The following CPB2 variants were observed in gnomAD, a reference collection of about 807,000 sequenced individuals.
CPB2 encodes carboxypeptidase B2, also known as carboxypeptidase B-like protein.
Under a neutral mutation model 57.0 loss-of-function variants are expected in CPB2, and 54 were observed. The ratio of observed to expected loss-of-function variants is 0.95; its 90% CI spans 0.76 to 1.19. The LOEUF (loss-of-function observed/expected upper bound fraction) is 1.19. Among genes scored for constraint, CPB2 ranks in the 50% most tolerant of loss-of-function variants. The pLI, the probability that CPB2 is intolerant of heterozygous loss-of-function variation, is 0.00. For synonymous variants in CPB2, 189 were observed against 178.1 expected, an observed-to-expected ratio of 1.06 and a Z score of -0.49; for missense variants, 426 against 512.0, an observed-to-expected ratio of 0.83 and a Z score of 1.62.
At chr13:46,082,228 A>G (rs951142239) in intron 4 of CPB2, among the ~76,000 whole-genome samples, 27 of 152,326 alleles carry the variant, frequency 1.8e-4, no homozygotes, top group Middle Eastern at 3.4e-3. Flanking sequence ...TTAGCTGTAG[A>G]CAAACATCCT....
At chr13:46,060,734 T>C (rs1240034231) in intron 8 of CPB2, among the ~76,000 whole-genome samples, 3 of 152,156 alleles carry the variant, frequency 2.0e-5, no homozygotes, top group Non-Finnish European at 4.4e-5. Context: ...ATTCTCATTC[T>C]ATGATTGTCA....
chr13:46,103,882 C>T (rs1463694647), intron 1 of CPB2, among the ~76,000 whole-genome samples: 2 of 152,198 alleles, frequency 1.3e-5, no homozygotes, highest in African/African-American at 2.4e-5. Flanking sequence ...ACATAAGTCA[C>T]TGATCATTGC....
intron 10 of CPB2, among the ~76,000 whole-genome samples, chr13:46,054,474 T>G (rs991230891): frequency 6.6e-6 from 1 of 152,186 alleles, no homozygotes; most frequent in African/African-American, 2.4e-5. Flanking sequence ...GGAATTTACT[T>G]TGGTGAAAGA....
At chr13:46,103,710 A>T (rs1259828143) in intron 1 of CPB2, among the ~76,000 whole-genome samples, 3 of 152,216 alleles carry the variant, frequency 2.0e-5, no homozygotes, top group Non-Finnish European at 4.4e-5. Flanking sequence ...TGTCAATGGT[A>T]CTGCCACTGT....
rs754481579 is a variant in CPB2, at chr13:46,067,433, A to T, written c.592-16T>A. The T allele has an allele frequency of 8.3e-7, 1 of 1,208,434 alleles. No homozygotes were observed. The highest frequency in any genetic ancestry group is 2.4e-5 in the East Asian group (1 of 42,552). The allele number at this position is 1,208,434 out of a possible 1,614,324, so 74.9% of individuals were successfully genotyped here. ...ATTGAGTTATCTGCAAATTAAACCA[A>T]GTATATTTAATTAGATGTTTTAAGT... On this transcript the variant is annotated splice_polypyrimidine_tract_variant and intron_variant, in intron 6 of 10. Coordinates refer to ENST00000181383, the MANE Select transcript of CPB2 (RefSeq NM_001872.5).
chr13:46,095,568 T>C (rs2045353401), intron 1 of CPB2, among the ~76,000 whole-genome samples: 1 of 152,214 alleles, frequency 6.6e-6, no homozygotes, highest in Non-Finnish European at 1.5e-5. Context: ...GCATATGGTA[T>C]TCAGCTATTG....
chr13:46,067,314 C>T lies in CPB2; in HGVS notation c.695G>A (p.Trp232Ter). The T allele has an allele frequency of 6.7e-7, 1 of 1,501,022 alleles. No individual in the cohort carries two copies. Among genetic ancestry groups the T allele is most frequent in the Non-Finnish European group, 9.3e-7 (1 of 1,079,426 alleles). 93.0% of individuals were successfully genotyped at this position (1,501,022 alleles called of 1,614,324 possible). ...CTTTGCCTTTTCTCCTACCTTTTTC[C>T]ATGAGTAGTCATAACCATCCACATT... Reference protein sequence around the residue: ...VVNVDGYDYSWKKNRMWRKNR... With the variant: ...VVNVDGYDYS Residue 232 changes from tryptophan (W) to a stop codon, truncating the protein, a stop_gained, in exon 7 of 11, where the codon TGG becomes TAG. Transcript: ENST00000181383. LOFTEE classifies it high-confidence loss of function.
intron 7 of CPB2, among the ~76,000 whole-genome samples, chr13:46,066,825 A>G (rs1212961031): frequency 2.1e-5 from 3 of 143,824 alleles, no homozygotes; most frequent in Non-Finnish European, 4.5e-5. Context: ...AGCCTGGGCG[A>G]CAGAGCAAGA....
chr13:46,073,494 A>G, intron 6 of CPB2: 2 of 983,200 alleles, frequency 2.0e-6, no homozygotes, highest in Non-Finnish European at 2.4e-6. Context: ...CAAAGGTGGC[A>G]AAAGATGTCT....
At chr13:46,058,592 C>T in intron 8 of CPB2, among the ~76,000 whole-genome samples, 2 of 152,218 alleles carry the variant, frequency 1.3e-5, no homozygotes, top group East Asian at 3.8e-4. Context: ...TTCTAACAGT[C>T]ATTCCCAGCA....
At chr13:46,063,658 C>T (rs967344555) in intron 8 of CPB2, among the ~76,000 whole-genome samples, 4 of 152,010 alleles carry the variant, frequency 2.6e-5, no homozygotes, top group South Asian at 2.1e-4. Context: ...TTGGGTAGAT[C>T]GATTCATTTT....
At chr13:46,088,966 C>T (rs1593912575) in intron 1 of CPB2, among the ~76,000 whole-genome samples, 1 of 144,530 alleles carries the variant, frequency 6.9e-6, no homozygotes, top group African/African-American at 2.5e-5. Flanking sequence ...TGTCTTTTCT[C>T]TTTCTTGATG....
chr13:46,070,415 G>A (rs951601145), intron 6 of CPB2, among the ~76,000 whole-genome samples: 2 of 152,146 alleles, frequency 1.3e-5, no homozygotes, highest in Non-Finnish European at 2.9e-5. Flanking sequence ...GAGGAGAATG[G>A]AGAAGAGTGT....
chr13:46,066,844 CAAAAAAA>C (rs35694352), intron 7 of CPB2, among the ~76,000 whole-genome samples: 2 of 99,322 alleles, frequency 2.0e-5, no homozygotes. Context: ...GACACCATCT[CAAAAAAA>C]AAAAAAAAAA....
rs11328126 is a variant in CPB2 at position 46,102,592 on chromosome 13, G to GTT, written c.74+2342_74+2343dup. ...GCTTTAAGAAAAAGCCAGACTGTTA[G>GTT]TTTTTTTTTTTTTTTTTAGAAGGGT... is the stretch of plus-strand genomic sequence containing the variant. On this transcript the variant is annotated intron_variant, in intron 1 of 10. Coordinates refer to ENST00000181383, the MANE Select transcript of CPB2 (RefSeq NM_001872.5). Among the ~76,000 whole-genome samples the GTT allele has an allele frequency of 5.2e-3, 604 of 116,282 alleles. 2 individuals are homozygous for GTT. Among genetic ancestry groups the GTT allele is most frequent in the African/African-American group, 0.018 (571 of 31,524 alleles). The allele number at this position is 116,282 out of a possible 152,430, so 76.3% of individuals were successfully genotyped here.
chr13:46,054,512 C>A (rs963202430), intron 10 of CPB2, among the ~76,000 whole-genome samples: 1 of 152,034 alleles, frequency 6.6e-6, no homozygotes, highest in Admixed American at 6.6e-5. Flanking sequence ...TAATTTTTTT[C>A]TAGGTAACTT....
At chr13:46,060,995 C>T (rs2044764694) in intron 8 of CPB2, among the ~76,000 whole-genome samples, 1 of 151,956 alleles carries the variant, frequency 6.6e-6, no homozygotes, top group Non-Finnish European at 1.5e-5. Context: ...TTCATAGAGA[C>T]AGAAAGTAGA....
At position 46,092,322 on chromosome 13, in the gene CPB2, A is replaced by G. The variant is rs189088937; in HGVS notation, c.75-4502T>C. Among the ~76,000 whole-genome samples the G allele has an allele frequency of 2.0e-5, 3 of 152,282 alleles. No individual in the cohort carries two copies. The East Asian group carries it at 5.8e-4, about 29-fold the overall frequency. Reference sequence around the variant, plus strand: ...GGAACAGAAAAAGAGCTTTAGTGGGAAAACTGGTGAAATCCAAAAAAGTCT... The same window carrying G: ...GGAACAGAAAAAGAGCTTTAGTGGGGAAACTGGTGAAATCCAAAAAAGTCT... On this transcript the variant is annotated intron_variant, in intron 1 of 10. Coordinates refer to ENST00000181383, the MANE Select transcript of CPB2 (RefSeq NM_001872.5).
intron 4 of CPB2, 69 bp downstream of exon 4, chr13:46,082,372 T>C (rs189042640): frequency 2.5e-4 from 214 of 852,914 alleles, no homozygotes; most frequent in Non-Finnish European, 3.6e-4. Flanking sequence ...TCTTGAATAT[T>C]CCCCTGATTG....
Sources: allele counts gnomAD v4.1 joint callset (sites outside exome capture counted in the v4.1 genomes callset), GRCh38; gene constraint gnomAD v4.1.1; transcripts MANE v1.5; gene names NCBI Gene and HGNC (gene_info 2026-07-23, HGNC 2026-07-21).